WDPCP: variants seen among roughly 807,000 people sequenced by gnomAD.
The protein encoded by WDPCP is WD repeat containing planar cell polarity effector.
In WDPCP, 71 loss-of-function variants were observed where a neutral mutation model predicts 93.1. The observed-to-expected ratio is 0.76, with a 90% CI of 0.63 to 0.93. The LOEUF (loss-of-function observed/expected upper bound fraction) is 0.93. Ranked by LOEUF, WDPCP falls within the 40% of genes least tolerant of loss-of-function variation. WDPCP has a pLI of 0.00. For missense variants in WDPCP, 844 were observed against 887.4 expected, an observed-to-expected ratio of 0.95 and a Z score of 0.62; for synonymous variants, 315 against 315.0, an observed-to-expected ratio of 1.00 and a Z score of 0.00.
intron 1 of WDPCP, among the ~76,000 whole-genome samples, chr2:63,516,950 A>T (rs1383454713): frequency 6.6e-6 from 1 of 151,704 alleles, no homozygotes; most frequent in East Asian, 1.9e-4. Context: ...GAGGTAGGGA[A>T]GAAGGTGGGA....
intron 1 of WDPCP, among the ~76,000 whole-genome samples, chr2:63,551,155 C>A (rs1443050526): frequency 6.6e-6 from 1 of 152,100 alleles, no homozygotes; most frequent in Non-Finnish European, 1.5e-5. Flanking sequence ...CCTTCAAATT[C>A]ATCATTTCTT....
At chr2:63,212,988 C>G (rs977471783) in intron 14 of WDPCP, among the ~76,000 whole-genome samples, 2 of 152,090 alleles carry the variant, frequency 1.3e-5, no homozygotes, top group African/African-American at 4.8e-5. Context: ...CCTTAGAGAC[C>G]TACAAAGAGA....
intron 1 of WDPCP, chr2:63,564,626 T>G (rs1209655738): frequency 6.6e-6 from 1 of 152,148 alleles, no homozygotes; most frequent in Admixed American, 6.5e-5. Flanking sequence ...TTCAATCAAC[T>G]GAAATGAAAA....
the WDPCP span, among the ~76,000 whole-genome samples, chr2:63,839,184 A>G: frequency 1.3e-5 from 2 of 152,360 alleles, no homozygotes; most frequent in Non-Finnish European, 2.9e-5. Flanking sequence ...TCTTGCTGCA[A>G]TTAAAACCCA....
chr2:63,294,626 C>T (rs1321233048), intron 13 of WDPCP, among the ~76,000 whole-genome samples: 3 of 151,116 alleles, frequency 2.0e-5, no homozygotes, highest in African/African-American at 7.3e-5. Context: ...CCAGATAAAC[C>T]TAAACTAAGG....
chr2:63,694,008 T>C (rs1179021664), intron 2 of WDPCP, among the ~76,000 whole-genome samples: 1 of 152,218 alleles, frequency 6.6e-6, no homozygotes, highest in South Asian at 2.1e-4. Context: ...AATGCTTTCA[T>C]ACTAATTTGT....
intron 1 of WDPCP, among the ~76,000 whole-genome samples, chr2:63,500,454 G>GTGTGTGTGTGTGTGTGTGT (rs1553412903): frequency 4.7e-4 from 70 of 149,578 alleles, no homozygotes; most frequent in African/African-American, 1.7e-3. Context: ...ATGGTGTGGG[G>GTGTGTGTGTGTGTGTGTGT]GTGTGTGTGT....
At chr2:63,798,780 T>C (rs1345959198) in intron 2 of WDPCP, among the ~76,000 whole-genome samples, 1 of 151,854 alleles carries the variant, frequency 6.6e-6, no homozygotes, top group Non-Finnish European at 1.5e-5. Context: ...AGACAGAGAG[T>C]GGCTGAATGG....
At chr2:63,749,639 G>A (rs1669850705) in intron 2 of WDPCP, among the ~76,000 whole-genome samples, 1 of 152,096 alleles carries the variant, frequency 6.6e-6, no homozygotes, top group Non-Finnish European at 1.5e-5. Flanking sequence ...AGGTAGGCTA[G>A]GCTAAGCCAT....
At chr2:63,796,892 C>T (rs1409891350) in intron 2 of WDPCP, among the ~76,000 whole-genome samples, 2 of 152,134 alleles carry the variant, frequency 1.3e-5, no homozygotes, top group Non-Finnish European at 2.9e-5. Flanking sequence ...TTGCACCACC[C>T]CTCTCCCAAC....
chr2:63,717,179 G>T, intron 2 of WDPCP: 1 of 441,316 alleles, frequency 2.3e-6, no homozygotes, highest in Admixed American at 2.7e-5. Context: ...GCATCTTTTT[G>T]TATTCTTGCT....
chr2:63,416,504 C>CCCTTATAATGATAT (rs375812264), intron 9 of WDPCP, among the ~76,000 whole-genome samples: 2 of 149,320 alleles, frequency 1.3e-5, no homozygotes, highest in African/African-American at 4.9e-5. Flanking sequence ...TTGGATATGA[C>CCCTTATAATGATAT]ATTAGCATTA....
intron 15 of WDPCP, among the ~76,000 whole-genome samples, chr2:63,162,226 CA>C (rs1672693706): frequency 6.6e-6 from 1 of 151,882 alleles, no homozygotes; most frequent in African/African-American, 2.4e-5. Context: ...GAAAGAGGAC[CA>C]TTTTTTTTTT....
At chr2:63,606,455 C>G (rs764551420) in intron 3 of WDPCP, among the ~76,000 whole-genome samples, 16 of 152,146 alleles carry the variant, frequency 1.1e-4, no homozygotes, top group Non-Finnish European at 1.9e-4. Flanking sequence ...AGCTTTAAAA[C>G]TATATGTATT....
At chr2:63,485,644 A>C (rs1288467291) in intron 4 of WDPCP, among the ~76,000 whole-genome samples, 1 of 151,858 alleles carries the variant, frequency 6.6e-6, no homozygotes, top group Non-Finnish European at 1.5e-5. Flanking sequence ...GGATAAAATT[A>C]TTTAGTAGAG....
intron 17 of WDPCP, among the ~76,000 whole-genome samples, chr2:63,143,108 C>G (rs1367849414): frequency 1.3e-5 from 2 of 152,016 alleles, no homozygotes; most frequent in Non-Finnish European, 2.9e-5. Flanking sequence ...CATGTCACCG[C>G]AGGTGCCTCT....
At chr2:63,733,354 C>G (rs941530985) in intron 2 of WDPCP, among the ~76,000 whole-genome samples, 1 of 149,458 alleles carries the variant, frequency 6.7e-6, no homozygotes, top group Non-Finnish European at 1.5e-5. Context: ...TGCCCGCCAC[C>G]GCGCCCGGCT....
chr2:63,541,511 T>C (rs899888402), intron 1 of WDPCP, among the ~76,000 whole-genome samples: 1 of 152,188 alleles, frequency 6.6e-6, no homozygotes, highest in African/African-American at 2.4e-5. Flanking sequence ...TCCTTTCTTG[T>C]TTTTTCAAAA....
chr2:63,279,886 GA>G (rs1179656323), intron 13 of WDPCP, among the ~76,000 whole-genome samples: 5 of 151,170 alleles, frequency 3.3e-5, no homozygotes, highest in Admixed American at 3.3e-4. Flanking sequence ...GAAAAGGAAA[GA>G]AAAAAAAGAA....
Sources: gnomAD v4.1 joint callset for allele counts (sites outside exome capture counted in the v4.1 genomes callset) on GRCh38, gnomAD v4.1.1 for gene constraint, MANE v1.5 for transcripts, NCBI Gene and HGNC (gene_info 2026-07-23, HGNC 2026-07-21) for gene names.